The following TBC1D5 variants were observed in gnomAD, a reference collection of about 807,000 sequenced individuals.
TBC1D5 encodes TBC1 domain family, member 5.
Under a neutral mutation model 100.3 loss-of-function variants are expected in TBC1D5, and 75 were observed. The observed-to-expected ratio is 0.75, with a 90% CI of 0.62 to 0.91. The LOEUF (loss-of-function observed/expected upper bound fraction) is 0.91. TBC1D5 is among the 40% of genes least tolerant of loss of function. The pLI is 0.00. For synonymous variants in TBC1D5, 323 were observed against 325.6 expected, an observed-to-expected ratio of 0.99 and a Z score of 0.09; for missense variants, 910 against 942.4, an observed-to-expected ratio of 0.97 and a Z score of 0.45.
In TBC1D5 at chr3:17,167,808, A is replaced by C. The variant is rs150396652; in HGVS notation, c.1873T>G (p.Leu625Val). The C allele has an allele frequency of 4.0e-5, 65 of 1,609,318 alleles. No individual in the cohort carries two copies. The African/African-American group carries it at 7.8e-4, about 19-fold the overall frequency. Residue 625 changes from leucine (L) to valine (V), a missense_variant, in exon 20 of 22, where the codon TTA becomes GTA. Leu to Val is a conservative substitution (Grantham distance 32). Coordinates refer to ENST00000253692, the Ensembl canonical transcript of TBC1D5. ...TCTTCTTTTTCCAAATTTTCTTGTA[A>C]TATCACATCTTGAATATTTACTGAA...
chr3:17,207,724 T>C (rs1478953072), intron 18 of TBC1D5, among the ~76,000 whole-genome samples: 5 of 152,232 alleles, frequency 3.3e-5, no homozygotes, highest in Non-Finnish European at 5.9e-5. Context: ...ACACACTATA[T>C]GATGCTTGTC....
intron 16 of TBC1D5, among the ~76,000 whole-genome samples, chr3:17,256,771 G>A (rs935825893): frequency 4.6e-5 from 7 of 152,250 alleles, no homozygotes; most frequent in Middle Eastern, 6.8e-3. Context: ...ATACACAAAT[G>A]AATTATATAA....
intron 3 of TBC1D5, among the ~76,000 whole-genome samples, chr3:17,494,592 G>C (rs534681471): frequency 3.3e-4 from 50 of 152,324 alleles, no homozygotes; most frequent in African/African-American, 1.2e-3. Flanking sequence ...AGTTCTGTCT[G>C]TAAGCCCCTG....
intron 3 of TBC1D5, among the ~76,000 whole-genome samples, chr3:17,470,563 T>A (rs2095360959): frequency 6.6e-6 from 1 of 152,132 alleles, no homozygotes; most frequent in Non-Finnish European, 1.5e-5. Flanking sequence ...CTTAAATGAT[T>A]GTAAAATGTA....
chr3:17,575,321 A>AT (rs1383587921), intron 2 of TBC1D5: 2 of 151,966 alleles, frequency 1.3e-5, no homozygotes, highest in African/African-American at 2.4e-5. Flanking sequence ...CTCAAAAAAA[A>AT]AAAAATAAAA....
chr3:17,702,313 A>C (rs1389162046), intron 1 of TBC1D5: 1 of 152,098 alleles, frequency 6.6e-6, no homozygotes, highest in Admixed American at 6.6e-5. Context: ...AAAACTATGA[A>C]ATTATGGCAT....
At chr3:17,285,896 A>G (rs2081141186) in intron 15 of TBC1D5, among the ~76,000 whole-genome samples, 1 of 152,228 alleles carries the variant, frequency 6.6e-6, no homozygotes, top group African/African-American at 2.4e-5. Flanking sequence ...ATTGTACATT[A>G]TATTTTTATA....
chr3:17,661,455 G>A (rs564035369), intron 1 of TBC1D5, among the ~76,000 whole-genome samples: 21 of 151,926 alleles, frequency 1.4e-4, no homozygotes, highest in African/African-American at 1.7e-4. Flanking sequence ...ATTTGTTCAC[G>A]GACATTGAAC....
chr3:17,733,901 G>C (rs2076759845), intron 1 of TBC1D5, among the ~76,000 whole-genome samples: 1 of 151,922 alleles, frequency 6.6e-6, no homozygotes, highest in Non-Finnish European at 1.5e-5. Flanking sequence ...CACAAAAGAA[G>C]TTAAAAACTC....
chr3:17,376,476 C>T, intron 10 of TBC1D5, 49 bp downstream of exon 10: 2 of 1,517,956 alleles, frequency 1.3e-6, no homozygotes, highest in Non-Finnish European at 1.8e-6. Flanking sequence ...ACAAAGGTTA[C>T]CGTGGGGGCT....
At chr3:17,680,126 A>C (rs2069247131) in intron 1 of TBC1D5, among the ~76,000 whole-genome samples, 2 of 151,438 alleles carry the variant, frequency 1.3e-5, no homozygotes, top group Non-Finnish European at 2.9e-5. Context: ...TAATTTATCA[A>C]TTTTATCCTC....
intron 15 of TBC1D5, among the ~76,000 whole-genome samples, chr3:17,285,321 C>T (rs919985976): frequency 3.8e-5 from 5 of 132,370 alleles, no homozygotes; most frequent in Non-Finnish European, 7.7e-5. Context: ...AGTGCAGTGG[C>T]GCGATCTCGG....
chr3:17,305,453 CCAAA>C (rs890437487), intron 14 of TBC1D5, among the ~76,000 whole-genome samples: 24 of 152,044 alleles, frequency 1.6e-4, no homozygotes, highest in Admixed American at 5.9e-4. Flanking sequence ...CAAGACTATC[CCAAA>C]CAAACTTTGA....
At chr3:17,172,371 GT>G in intron 19 of TBC1D5, among the ~76,000 whole-genome samples, 1 of 152,198 alleles carries the variant, frequency 6.6e-6, no homozygotes, top group Non-Finnish European at 1.5e-5. Flanking sequence ...TTTTAAGTAA[GT>G]TACATCTGCA....
intron 15 of TBC1D5, among the ~76,000 whole-genome samples, chr3:17,277,236 A>T (rs972476748): frequency 6.6e-6 from 1 of 152,152 alleles, no homozygotes; most frequent in Non-Finnish European, 1.5e-5. Context: ...TCAAAAGAAA[A>T]TATGAAATTC....
At chr3:17,234,000 G>A (rs997320715) in intron 17 of TBC1D5, among the ~76,000 whole-genome samples, 25 of 151,978 alleles carry the variant, frequency 1.6e-4, no homozygotes, top group African/African-American at 5.8e-4. Flanking sequence ...TAGAGTATAG[G>A]AAACTTCAGC....
At chr3:17,709,977 T>G (rs544870870) in intron 1 of TBC1D5, among the ~76,000 whole-genome samples, 92 of 152,240 alleles carry the variant, frequency 6.0e-4, no homozygotes, top group Non-Finnish European at 1.1e-3. Context: ...GAAGGAGCAA[T>G]GAGCATGGGC....
At chr3:17,349,573 G>A (rs949393869) in intron 13 of TBC1D5, among the ~76,000 whole-genome samples, 6 of 152,142 alleles carry the variant, frequency 3.9e-5, no homozygotes, top group East Asian at 1.9e-4. Flanking sequence ...TTACAACATT[G>A]TTCTGTTTGA....
intron 3 of TBC1D5, among the ~76,000 whole-genome samples, chr3:17,446,448 A>T (rs1375169891): frequency 6.6e-6 from 1 of 152,052 alleles, no homozygotes; most frequent in East Asian, 1.9e-4. Context: ...ACATATTGAC[A>T]CCATTCACTG....
Sources: gnomAD v4.1 joint callset for allele counts (sites outside exome capture counted in the v4.1 genomes callset) on GRCh38, gnomAD v4.1.1 for gene constraint, MANE v1.5 for transcripts, NCBI Gene and HGNC (gene_info 2026-07-23, HGNC 2026-07-21) for gene names.